The following MEGF10 variants were observed in gnomAD, a reference collection of about 807,000 sequenced individuals.
MEGF10 encodes multiple EGF like domains 10.
Under a neutral mutation model 147.5 loss-of-function variants are expected in MEGF10, and 86 were observed. That is an observed-to-expected ratio of 0.58 (90% CI 0.49 to 0.70). The LOEUF (loss-of-function observed/expected upper bound fraction) is 0.70, where lower values mean the gene tolerates loss of function less well. Among genes scored for constraint, MEGF10 ranks in the 30% least tolerant of loss-of-function variants. The pLI is 0.00. For synonymous variants in MEGF10, 478 were observed against 525.5 expected, an observed-to-expected ratio of 0.91 and a Z score of 1.24; for missense variants, 1,329 against 1,487.3, an observed-to-expected ratio of 0.89 and a Z score of 1.75.
At chr5:127,339,092 G>GT in intron 2 of MEGF10, 28 bp from the exon 3 acceptor site, 1 of 1,431,108 alleles carries the variant, frequency 7.0e-7, no homozygotes, top group Non-Finnish European at 9.7e-7. Context: ...GAGAAATACT[G>GT]ATTTCTTATT....
chr5:127,297,918 A>G (rs1462087452), intron 1 of MEGF10, among the ~76,000 whole-genome samples: 1 of 152,182 alleles, frequency 6.6e-6, no homozygotes, highest in Non-Finnish European at 1.5e-5. Context: ...TCTTGGGGCT[A>G]GAGACGGAGA....
At chr5:127,412,935 AGCCTGG>A (rs1764627478) in intron 9 of MEGF10, among the ~76,000 whole-genome samples, 2 of 152,192 alleles carry the variant, frequency 1.3e-5, no homozygotes, top group Non-Finnish European at 2.9e-5. Flanking sequence ...CTAGCAGGCT[AGCCTGG>A]GCTTTTTCAC....
rs372278783 is a variant in MEGF10, at chr5:127,346,210, C to T, written c.319+5580C>T. Among the ~76,000 whole-genome samples the T allele has an allele frequency of 2.0e-5, 3 of 152,262 alleles. No individual in the cohort carries two copies. The East Asian group carries it at 5.8e-4, about 29-fold the overall frequency. On this transcript the variant is annotated intron_variant, in intron 4 of 24. Coordinates refer to ENST00000503335, the MANE Select transcript of MEGF10 (RefSeq NM_001256545.2). ...TTTTCGTATAATGACTTCTTTTCCT[C>T]TGCTAGATACCCAATAGTGGGATTG...
chr5:127,410,343 T>C, intron 8 of MEGF10, 46 bp from the exon 9 acceptor site: 1 of 1,562,788 alleles, frequency 6.4e-7, no homozygotes, highest in African/African-American at 1.4e-5. Flanking sequence ...TATTTTCACA[T>C]GGCACTAACT....
At position 127,454,579 on chromosome 5, in the gene MEGF10, T is replaced by C. The variant is rs1418091554; in HGVS notation, c.2994T>C (p.Leu998=). Reference sequence around the variant, plus strand: ...CCTTTATTACAGGTGCTTTTGGACTTGACAGAAGCTATATGGGAAAATCCT... The same window carrying C: ...CCTTTATTACAGGTGCTTTTGGACTCGACAGAAGCTATATGGGAAAATCCT... ...GYLNELGAFG[L]DRSYMGKSLK... The change falls in exon 23 of 25, where the codon CTT becomes CTC. Residue 998 remains leucine, a synonymous_variant. Transcript: ENST00000503335. The C allele has an allele frequency of 6.2e-7, 1 of 1,609,564 alleles. No individual in the cohort carries two copies. Among genetic ancestry groups the C allele is most frequent in the South Asian group, 1.1e-5 (1 of 89,722 alleles).
At chr5:127,433,561 G>A (rs752122679) in intron 14 of MEGF10, 52 bp downstream of exon 14, 1 of 1,545,992 alleles carries the variant, frequency 6.5e-7, no homozygotes, top group South Asian at 1.3e-5. Flanking sequence ...TGGGCACCAT[G>A]TATCGAATAA....
At chr5:127,427,679 G>T (rs1765249614) in intron 13 of MEGF10, among the ~76,000 whole-genome samples, 1 of 152,118 alleles carries the variant, frequency 6.6e-6, no homozygotes, top group Non-Finnish European at 1.5e-5. Flanking sequence ...CCAGCTGAGT[G>T]AGTGAGCTGC....
intron 22 of MEGF10, among the ~76,000 whole-genome samples, chr5:127,449,663 G>A (rs898340398): frequency 1.3e-5 from 2 of 152,180 alleles, no homozygotes; most frequent in African/African-American, 4.8e-5. Flanking sequence ...TTGGCTCACA[G>A]CTGTGTGCTC....
chr5:127,365,457 G>C (rs1382020106), intron 4 of MEGF10, among the ~76,000 whole-genome samples: 3 of 152,202 alleles, frequency 2.0e-5, no homozygotes, highest in Non-Finnish European at 2.9e-5. Context: ...CATGTCATTG[G>C]TAATGGGATT....
chr5:127,359,375 A>G (rs892424823), intron 4 of MEGF10, among the ~76,000 whole-genome samples: 1 of 151,718 alleles, frequency 6.6e-6, no homozygotes, highest in Admixed American at 6.6e-5. Context: ...AAACAGCTTC[A>G]TGGAGGTAAA....
chr5:127,238,853 T>C, the MEGF10 span, among the ~76,000 whole-genome samples: 1 of 149,498 alleles, frequency 6.7e-6, no homozygotes. Context: ...GAAATTATAT[T>C]TTGCAGTCCT....
chr5:127,257,634 G>A, the MEGF10 span, among the ~76,000 whole-genome samples: 2 of 152,110 alleles, frequency 1.3e-5, no homozygotes, highest in African/African-American at 4.8e-5. Context: ...AATCAATTTA[G>A]ATGTTTATTT....
At chr5:127,384,632 A>G (rs988732333) in intron 5 of MEGF10, among the ~76,000 whole-genome samples, 5 of 152,248 alleles carry the variant, frequency 3.3e-5, no homozygotes, top group African/African-American at 1.2e-4. Flanking sequence ...CAGTTCATTT[A>G]ACAAACATTT....
chr5:127,362,436 C>T (rs972178814), intron 4 of MEGF10, among the ~76,000 whole-genome samples: 2 of 149,772 alleles, frequency 1.3e-5, no homozygotes, highest in African/African-American at 4.9e-5. Flanking sequence ...GTGGCGCGAT[C>T]TCGGCTCACT....
the MEGF10 span, among the ~76,000 whole-genome samples, chr5:127,268,300 T>C: frequency 6.6e-6 from 1 of 152,334 alleles, no homozygotes; most frequent in African/African-American, 2.4e-5. Flanking sequence ...TTATAATTTC[T>C]GTTCTTTTAC....
intron 1 of MEGF10, among the ~76,000 whole-genome samples, chr5:127,307,526 T>TG (rs1285900183): frequency 6.6e-6 from 1 of 152,204 alleles, no homozygotes; most frequent in East Asian, 1.9e-4. Context: ...CTAATATCTG[T>TG]GGGGCAGCTG....
At chr5:127,347,243 G>A (rs1348148614) in intron 4 of MEGF10, among the ~76,000 whole-genome samples, 5 of 152,084 alleles carry the variant, frequency 3.3e-5, no homozygotes, top group Middle Eastern at 3.4e-3. Context: ...ATGTGTACTT[G>A]TATATATGTG....
chr5:127,371,257 C>T (rs1411165224), intron 5 of MEGF10, among the ~76,000 whole-genome samples: 4 of 148,714 alleles, frequency 2.7e-5, no homozygotes, highest in Non-Finnish European at 4.5e-5. Context: ...CTTTCTGCCC[C>T]TGACAGGCTT....
chr5:127,266,014 G>T, the MEGF10 span, among the ~76,000 whole-genome samples: 1 of 152,088 alleles, frequency 6.6e-6, no homozygotes. Context: ...GTCCTGAATG[G>T]CATTGCCTAG....
Sources: gnomAD v4.1 joint callset for allele counts (sites outside exome capture counted in the v4.1 genomes callset) on GRCh38, gnomAD v4.1.1 for gene constraint, MANE v1.5 for transcripts, NCBI Gene and HGNC (gene_info 2026-07-23, HGNC 2026-07-21) for gene names.